Variants in ARGLU1 observed in about 807,000 individuals in gnomAD.
ARGLU1 encodes arginine and glutamate-rich protein 1.
ARGLU1 carries 9 observed loss-of-function variants against 37.6 expected under a neutral mutation model. The ratio of observed to expected loss-of-function variants is 0.24; its 90% CI spans 0.14 to 0.42. The LOEUF (loss-of-function observed/expected upper bound fraction) is 0.42, where lower values mean the gene tolerates loss of function less well. Among genes scored for constraint, ARGLU1 ranks in the 10% least tolerant of loss-of-function variants. The probability of loss-of-function intolerance (pLI) is 1.00; values close to 1 mark genes in which losing one functional copy is unlikely to be tolerated. For synonymous variants in ARGLU1, 166 were observed against 138.5 expected (o/e 1.20, Z -1.39); for missense variants, 211 against 359.2 (o/e 0.59, Z 3.34).
intron 2 of ARGLU1, chr13:106,558,055 A>G: frequency 8.1e-6 from 8 of 985,408 alleles, no homozygotes; most frequent in Non-Finnish European, 9.6e-6. Context: ...AGCAGTGTTC[A>G]GATCACAGCA....
chr13:106,553,208 C>T (rs1287004933), intron 3 of ARGLU1, among the ~76,000 whole-genome samples: 1 of 152,110 alleles, frequency 6.6e-6, no homozygotes, highest in Non-Finnish European at 1.5e-5. Context: ...AGCATTTTGG[C>T]TTATTTTTCT....
chr13:106,560,929 G>C (rs755534773), intron 1 of ARGLU1, among the ~76,000 whole-genome samples: 15 of 152,130 alleles, frequency 9.9e-5, no homozygotes, highest in Middle Eastern at 3.2e-3. Context: ...TATTCTTCGG[G>C]ATGATTCAAT....
In ARGLU1 at chr13:106,545,498, AC is replaced by A. The variant is rs1040616624; in HGVS notation, c.658-1339del. Among the ~76,000 whole-genome samples the A allele has an allele frequency of 5.1e-4, 77 of 152,254 alleles. 1 individual carries two copies. The highest frequency in any genetic ancestry group is 1.7e-3 in the African/African-American group (69 of 41,518). On this transcript the variant is annotated intron_variant, in intron 3 of 3. Transcript: ENST00000400198. ...TTCTGTTCACTTAAGTCTTTTAAAA[AC>A]GTTCTCTCTTCTGATACATTCTCTA... is the stretch of plus-strand genomic sequence containing the variant.
At position 106,567,634 on chromosome 13, in the gene ARGLU1, C is replaced by T. The variant is rs1168549072; in HGVS notation, c.286G>A (p.Asp96Asn). 1.2e-6 allele frequency: 2 copies of T among 1,613,640 alleles called. No homozygotes were observed. The highest frequency in any genetic ancestry group is 2.2e-5 in the East Asian group (1 of 44,812). ...GRTVSKRSSL[D>N]EKQKREEEEK... ...TCCTCCTCTCGCTTCTGCTTCTCGT[C>T]CAGGCTGCTGCGCTTGCTCACCGTG... The change falls in exon 1 of 4, where the codon GAC becomes AAC. Residue 96 changes from aspartate to asparagine, a missense_variant. Physicochemically the swap from Asp to Asn is conservative, Grantham distance 23. Transcript: ENST00000400198. The surrounding 1 kb of genome is among the most constrained non-coding windows in gnomAD (Gnocchi z 4.3).
intron 2 of ARGLU1, chr13:106,558,441 T>G (rs1449398148): frequency 1.0e-6 from 1 of 985,432 alleles, no homozygotes; most frequent in Non-Finnish European, 1.2e-6. Flanking sequence ...GTCTTAATTA[T>G]TTTGAGTCAA....
At chr13:106,566,563 G>A (rs563929414) in intron 1 of ARGLU1, among the ~76,000 whole-genome samples, 3 of 152,260 alleles carry the variant, frequency 2.0e-5, no homozygotes, top group East Asian at 3.9e-4. Flanking sequence ...TGAATACCCA[G>A]AGCATCAAAG....
intron 3 of ARGLU1, among the ~76,000 whole-genome samples, chr13:106,548,373 C>T (rs1004768864): frequency 6.6e-6 from 1 of 152,070 alleles, no homozygotes; most frequent in South Asian, 2.1e-4. Flanking sequence ...CTTGACTTGC[C>T]GGAGAATACA....
chr13:106,560,824 C>A (rs977943381), intron 1 of ARGLU1, among the ~76,000 whole-genome samples: 3 of 152,146 alleles, frequency 2.0e-5, no homozygotes, highest in Non-Finnish European at 2.9e-5. Flanking sequence ...CATTTGACAT[C>A]CATATATATG....
At chr13:106,544,402 GA>G (rs949809104) in intron 3 of ARGLU1, among the ~76,000 whole-genome samples, 1 of 151,858 alleles carries the variant, frequency 6.6e-6, no homozygotes, top group African/African-American at 2.4e-5. Context: ...GTTTGGTAGA[GA>G]AAAAAGAATT....
Position 106,557,630 on chromosome 13 carries a change from T to C in ARGLU1, c.574-499A>G. 1 of 1,596,020 alleles carries C rather than the reference T, an allele frequency of 6.3e-7. No homozygotes were observed. Among genetic ancestry groups the C allele is most frequent in the South Asian group, 1.1e-5 (1 of 88,036 alleles). ...CGCCAGCTTCCTCTTTAAAATGATT[T>C]GTACTGTTAGCTTGGCAATACCTGC... On this transcript the variant is annotated intron_variant, in intron 2 of 3. Coordinates refer to ENST00000400198, the MANE Select transcript of ARGLU1 (RefSeq NM_018011.4). The surrounding 1 kb of genome is among the most constrained non-coding windows in gnomAD (Gnocchi z 5.0).
At chr13:106,550,887 ACCTT>A (rs748746354) in intron 3 of ARGLU1, among the ~76,000 whole-genome samples, 3 of 152,208 alleles carry the variant, frequency 2.0e-5, no homozygotes, top group Non-Finnish European at 4.4e-5. Context: ...GAGTCTGAAC[ACCTT>A]CCTTCATCGT....
At chr13:106,546,145 A>C (rs1880384263) in intron 3 of ARGLU1, among the ~76,000 whole-genome samples, 1 of 152,066 alleles carries the variant, frequency 6.6e-6, no homozygotes, top group Non-Finnish European at 1.5e-5. Flanking sequence ...TGCCAGCTTC[A>C]TCAGTTTAGG....
In ARGLU1 at chr13:106,543,905, A is replaced by G. The variant is rs1293300992; in HGVS notation, c.*91T>C. On this transcript the variant is annotated 3_prime_UTR_variant, in exon 4 of 4. Coordinates refer to ENST00000400198, the MANE Select transcript of ARGLU1 (RefSeq NM_018011.4). ...ACTTTCCAGATTTTACAAATTAAAA[A>G]AACAAAAACAAAAACAAAAAACCAC... 7.6e-7 allele frequency: 1 copy of G among 1,322,006 alleles called. No individual in the cohort carries two copies. Among genetic ancestry groups the G allele is most frequent in the Non-Finnish European group, 1.0e-6 (1 of 973,610 alleles). The allele number at this position is 1,322,006 out of a possible 1,614,324, so 81.9% of individuals were successfully genotyped here.
rs1486590444 is a variant in ARGLU1, at chr13:106,544,336, GAGGTGACA to G, written c.658-184_658-177del. On this transcript the variant is annotated intron_variant, in intron 3 of 3. Coordinates refer to ENST00000400198, the MANE Select transcript of ARGLU1 (RefSeq NM_018011.4). ...CATGCCTTCAAAATATTTTAGTTAT[GAGGTGACA>G]ACTTACACACAATGGCATGTGTCAT... Among the ~76,000 whole-genome samples the G allele has an allele frequency of 2.0e-5, 3 of 152,122 alleles. No homozygotes were observed. The East Asian group carries it at 5.8e-4, about 29-fold the overall frequency.
At chr13:106,552,023 T>C (rs543889272) in intron 3 of ARGLU1, among the ~76,000 whole-genome samples, 1 of 152,316 alleles carries the variant, frequency 6.6e-6, no homozygotes, top group South Asian at 2.1e-4. Flanking sequence ...AGAATACAGA[T>C]TGTTTTTCAT....
chr13:106,556,553 C>T (rs1270049181), intron 3 of ARGLU1, among the ~76,000 whole-genome samples: 1 of 152,082 alleles, frequency 6.6e-6, no homozygotes, highest in African/African-American at 2.4e-5. Context: ...TTCCCCCACC[C>T]CCATCTTTCT....
At chr13:106,562,718 G>A (rs998616817) in intron 1 of ARGLU1, among the ~76,000 whole-genome samples, 2 of 152,018 alleles carry the variant, frequency 1.3e-5, no homozygotes, top group African/African-American at 2.4e-5. Flanking sequence ...CAGGCTGGGC[G>A]CGGTGGCTCA....
At chr13:106,562,132 C>T (rs1424131545) in intron 1 of ARGLU1, among the ~76,000 whole-genome samples, 1 of 152,192 alleles carries the variant, frequency 6.6e-6, no homozygotes, top group East Asian at 1.9e-4. Flanking sequence ...AGCTTTGCAA[C>T]AGGCAGGGTT....
chr13:106,557,121 C>A lies in ARGLU1; in HGVS notation c.584G>T (p.Arg195Leu). The A allele has an allele frequency of 1.2e-6, 2 of 1,613,320 alleles. No individual in the cohort carries two copies. The highest frequency in any genetic ancestry group is 1.7e-6 in the Non-Finnish European group (2 of 1,179,380). The change falls in exon 3 of 4, where the codon CGT becomes CTT. Residue 195 changes from arginine to leucine, a missense_variant. Arg to Leu is a moderately radical substitution (Grantham distance 102). Around this residue, in one of 3 missense-constraint regions of ARGLU1, gnomAD observed 80 missense variants for 158.4 expected, o/e 0.51. Transcript: ENST00000400198. This position sits in a 1 kb window ranked among gnomAD's most constrained non-coding sequence, Gnocchi z 5.0. Reference protein sequence around the residue: ...AAQKAREEEERAKREELERIL... With the variant: ...AAQKAREEEELAKREELERIL... ...TCGCTCTAGCTCCTCACGTTTTGCA[C>A]GTTCTTCCTCCTAAAGGGGAGGATA...
Sources: gnomAD v4.1 joint callset for allele counts (sites outside exome capture counted in the v4.1 genomes callset) on GRCh38, gnomAD v4.1.1 for gene constraint, gnomAD v4.1.1 regional missense constraint, Gnocchi (gnomAD v3.1) non-coding constraint, MANE v1.5 for transcripts, NCBI Gene and HGNC (gene_info 2026-07-23, HGNC 2026-07-21) for gene names.